ANKRD55: variants seen among roughly 807,000 people sequenced by gnomAD.
ANKRD55 encodes the protein ankyrin repeat domain-containing protein 55.
Under a neutral mutation model 60.6 loss-of-function variants are expected in ANKRD55, and 41 were observed. The ratio of observed to expected loss-of-function variants is 0.68; its 90% CI spans 0.53 to 0.88. The LOEUF is 0.88. ANKRD55 is among the 40% of genes least tolerant of loss of function. The pLI is 0.00. For synonymous variants in ANKRD55, 264 were observed against 290.3 expected (o/e 0.91, Z 0.92); for missense variants, 732 against 767.6 (o/e 0.95, Z 0.55).
intron 2 of ANKRD55, among the ~76,000 whole-genome samples, chr5:56,195,410 A>T (rs1202795224): frequency 6.6e-6 from 1 of 152,150 alleles, no homozygotes; most frequent in Admixed American, 6.5e-5. Context: ...CCAATTTTAC[A>T]TGGCTGTCAT....
At position 56,117,612 on chromosome 5, in the gene ANKRD55, C is replaced by G. The variant is rs191090309; in HGVS notation, c.798-830G>C. 4.2e-4 allele frequency among the ~76,000 whole-genome samples: 64 copies of G among 152,206 alleles called. 1 individual carries two copies. In the East Asian group the frequency reaches 0.012, roughly 29 times the overall value. ...GAGATGACAGGCACATGTTACCACACCCGGCTAATTTTTGTATTTTTAGTA... is the reference window on the plus strand; with the variant it reads ...GAGATGACAGGCACATGTTACCACAGCCGGCTAATTTTTGTATTTTTAGTA... On this transcript the variant is annotated intron_variant, in intron 8 of 11. Transcript: ENST00000341048.
At chr5:56,109,566 C>A (rs1756607593) in intron 10 of ANKRD55, among the ~76,000 whole-genome samples, 1 of 150,184 alleles carries the variant, frequency 6.7e-6, no homozygotes. Context: ...AGATGGGGAT[C>A]CTGCTACATT....
intron 6 of ANKRD55, among the ~76,000 whole-genome samples, chr5:56,145,957 C>G (rs187261159): frequency 6.6e-6 from 1 of 152,134 alleles, no homozygotes; most frequent in Admixed American, 6.5e-5. Context: ...CTAATTGGTC[C>G]TCTTCATTTT....
chr5:56,190,500 A>T (rs2111842182), intron 2 of ANKRD55, among the ~76,000 whole-genome samples: 1 of 152,276 alleles, frequency 6.6e-6, no homozygotes, highest in Admixed American at 6.5e-5. Context: ...TAACTTTTAT[A>T]TATGGTGTAA....
At chr5:56,213,697 C>T (rs900559609) in intron 2 of ANKRD55, among the ~76,000 whole-genome samples, 14 of 152,088 alleles carry the variant, frequency 9.2e-5, no homozygotes, top group Non-Finnish European at 1.8e-4. Flanking sequence ...GGCTGGCTTA[C>T]GAGCAAAGGG....
At chr5:56,193,853 A>G (rs186096381) in intron 2 of ANKRD55, among the ~76,000 whole-genome samples, 2 of 152,264 alleles carry the variant, frequency 1.3e-5, no homozygotes, top group East Asian at 3.9e-4. Flanking sequence ...AAATATATCT[A>G]TATATATAAG....
At position 56,225,567 on chromosome 5, in the gene ANKRD55, T is replaced by C. The variant is rs978790366; in HGVS notation, c.58+7289A>G. 2.6e-5 allele frequency among the ~76,000 whole-genome samples: 4 copies of C among 152,330 alleles called. No individual in the cohort carries two copies. The South Asian group carries it at 6.2e-4, about 24-fold the overall frequency. ...TTGTCTCTGTTTGCAGATGACATGA[T>C]TGTATATTTAGAAAACCCCATCGTC... On this transcript the variant is annotated intron_variant, in intron 2 of 11. Transcript: ENST00000341048.
chr5:56,131,161 A>C (rs553428975), intron 7 of ANKRD55, among the ~76,000 whole-genome samples: 16 of 152,098 alleles, frequency 1.1e-4, no homozygotes, highest in East Asian at 7.7e-4. Flanking sequence ...AAAACAACAA[A>C]AAAAAACAAC....
At chr5:56,203,519 T>C (rs1301262771) in intron 2 of ANKRD55, among the ~76,000 whole-genome samples, 1 of 152,162 alleles carries the variant, frequency 6.6e-6, no homozygotes, top group Non-Finnish European at 1.5e-5. Context: ...GTGTGTGATG[T>C]TCCCCTTCCC....
At chr5:56,213,617 A>C (rs1188282047) in intron 2 of ANKRD55, among the ~76,000 whole-genome samples, 3 of 152,222 alleles carry the variant, frequency 2.0e-5, no homozygotes, top group African/African-American at 7.2e-5. Context: ...AAAACTAGAT[A>C]GATTACTAGA....
chr5:56,232,333 C>A (rs564646294), intron 2 of ANKRD55, among the ~76,000 whole-genome samples: 1 of 152,092 alleles, frequency 6.6e-6, no homozygotes, highest in South Asian at 2.1e-4. Context: ...CATTACACAA[C>A]CTTGGATGAG....
chr5:56,210,089 C>G (rs1052295643), intron 2 of ANKRD55, among the ~76,000 whole-genome samples: 1 of 152,014 alleles, frequency 6.6e-6, no homozygotes, highest in African/African-American at 2.4e-5. Flanking sequence ...CTCACTGCAG[C>G]CTCCGCCTCC....
intron 2 of ANKRD55, among the ~76,000 whole-genome samples, chr5:56,210,378 C>T (rs1157938431): frequency 6.6e-6 from 1 of 151,552 alleles, no homozygotes; most frequent in East Asian, 1.9e-4. Context: ...ACTGAGACCA[C>T]GGTGAAACCC....
At chr5:56,165,741 C>T (rs538314833) in intron 5 of ANKRD55, among the ~76,000 whole-genome samples, 43 of 152,156 alleles carry the variant, frequency 2.8e-4, no homozygotes, top group Admixed American at 7.9e-4. Flanking sequence ...ACCAGCCTGA[C>T]CAACATGGAG....
intron 6 of ANKRD55, among the ~76,000 whole-genome samples, chr5:56,150,748 A>C (rs567571108): frequency 2.0e-5 from 3 of 152,060 alleles, no homozygotes; most frequent in Admixed American, 2.0e-4. Context: ...AAAATACAAA[A>C]ATTAGCCACG....
intron 6 of ANKRD55, among the ~76,000 whole-genome samples, chr5:56,159,045 C>A (rs1758260632): frequency 6.6e-6 from 1 of 151,634 alleles, no homozygotes; most frequent in African/African-American, 2.4e-5. Context: ...GGGGGTCTCA[C>A]TTTGTTGCCA....
At chr5:56,109,329 C>A (rs1424401832) in intron 10 of ANKRD55, among the ~76,000 whole-genome samples, 1 of 151,944 alleles carries the variant, frequency 6.6e-6, no homozygotes, top group Non-Finnish European at 1.5e-5. Flanking sequence ...CCAATTATTG[C>A]CATTTGGGAA....
chr5:56,160,420 T>C (rs991646563), intron 5 of ANKRD55, among the ~76,000 whole-genome samples: 3 of 152,148 alleles, frequency 2.0e-5, no homozygotes, highest in Non-Finnish European at 4.4e-5. Context: ...TTCTATTTTT[T>C]AGTAGAGACG....
intron 7 of ANKRD55, among the ~76,000 whole-genome samples, chr5:56,132,485 G>A (rs1757448802): frequency 6.7e-6 from 1 of 150,340 alleles, no homozygotes; most frequent in African/African-American, 2.5e-5. Context: ...CAACTACTCA[G>A]GAGGCTGAGG....
Sources: gnomAD v4.1 joint callset for allele counts (sites outside exome capture counted in the v4.1 genomes callset) on GRCh38, gnomAD v4.1.1 for gene constraint, MANE v1.5 for transcripts, NCBI Gene and HGNC (gene_info 2026-07-23, HGNC 2026-07-21) for gene names.